ATP8B3: variants seen among roughly 807,000 people sequenced by gnomAD.
ATP8B3 encodes ATPase phospholipid transporting 8B3.
ATP8B3 carries 141 observed loss-of-function variants against 140.9 expected under a neutral mutation model. That is an observed-to-expected ratio of 1.00 (90% confidence interval 0.87 to 1.15). ATP8B3 has a LOEUF of 1.15. Among genes scored for constraint, ATP8B3 ranks in the 50% most tolerant of loss-of-function variants. The probability of loss-of-function intolerance (pLI) is 0.00; values close to 1 mark genes in which losing one functional copy is unlikely to be tolerated. For synonymous variants in ATP8B3, 765 were observed against 714.6 expected, an observed-to-expected ratio of 1.07 and a Z score of -1.13; for missense variants, 1,874 against 1,740.6, an observed-to-expected ratio of 1.08 and a Z score of -1.36.
rs761753808 is a variant in ATP8B3 at position 1,784,836 on chromosome 19, T to C, written c.3643A>G (p.Lys1215Glu). Residue 1215 changes from lysine (K) to glutamate (E), a missense_variant, in exon 28 of 29, where the codon AAG (lysine) becomes GAG (glutamate). Around this residue, in one of 3 missense-constraint regions of ATP8B3, gnomAD observed 840 missense variants for 760.9 expected, o/e 1.10. Coordinates refer to ENST00000310127, the MANE Select transcript of ATP8B3 (RefSeq NM_138813.4). ...CACCTCACCTTGGCACGTAGCTCCT[T>C]GAGGGCTGGGAAGATGACTCGGAGG... ...LALRVIFPAL[K>E]ELRAKEEKVE... is the part of the protein sequence containing the mutation. 6.2e-7 allele frequency: 1 copy of C among 1,607,434 alleles called. No individual in the cohort carries two copies.
At position 1,782,330 on chromosome 19, in the gene ATP8B3, G is replaced by T; in HGVS notation, c.*698C>A. The T allele has an allele frequency of 6.3e-6, 2 of 315,962 alleles. No individual in the cohort carries two copies. Among genetic ancestry groups the T allele is most frequent in the South Asian group, 2.0e-4 (2 of 10,112 alleles). The allele number at this position is 315,962 out of a possible 1,614,324, so 19.6% of individuals were successfully genotyped here. A position where few individuals can be genotyped will look rare whatever the true frequency, so the allele number is the denominator to read the frequency against. On this transcript the variant is annotated 3_prime_UTR_variant, in exon 29 of 29. Coordinates refer to ENST00000310127, the MANE Select transcript of ATP8B3 (RefSeq NM_138813.4). ...CCTGGTCCCCTCCGCAGAGGGCAAT[G>T]ACTGCTCCTCTGGGGGCAAGGATAG...
rs1204906156 is a variant in ATP8B3 at position 1,785,596 on chromosome 19, G to A, written c.3266C>T (p.Thr1089Ile). 2.5e-6 allele frequency: 4 copies of A among 1,613,284 alleles called. No homozygotes were observed. In the South Asian group the frequency reaches 4.4e-5, roughly 18 times the overall value. Residue 1089 changes from threonine to isoleucine, a missense_variant, in exon 26 of 29, where the codon ACC becomes ATC. Coordinates refer to ENST00000310127, the MANE Select transcript of ATP8B3 (RefSeq NM_138813.4). ...FVQAIAHGVT[T>I]SLVNFFMTLW... Reference sequence around the variant, plus strand: ...TGTCATGAAGAAGTTGACCAGAGAGGTGGTCACACCATGGGCGATGGCTTG... The same window carrying A: ...TGTCATGAAGAAGTTGACCAGAGAGATGGTCACACCATGGGCGATGGCTTG...
rs1318508280 is a variant in ATP8B3 at position 1,810,688 on chromosome 19, G to A, written c.249-5C>T. ...AGGCTGCCCATGCTGGTGGGGCTGT[G>A]GGAGAGAAGGGCCCCGGGTCACAGC... On this transcript the variant is annotated splice_polypyrimidine_tract_variant and splice_region_variant and intron_variant, in intron 2 of 28. Transcript: ENST00000310127. 7 of 1,611,244 alleles carry A rather than the reference G, an allele frequency of 4.3e-6. No individual in the cohort carries two copies. The African/African-American group carries it at 9.4e-5, about 22-fold the overall frequency.
intron 4 of ATP8B3, among the ~76,000 whole-genome samples, chr19:1,808,951 T>C (rs1162485686): frequency 6.6e-6 from 1 of 152,084 alleles, no homozygotes; most frequent in East Asian, 1.9e-4. Context: ...GGTGGGTGGA[T>C]CACTTGAGGT....
chr19:1,805,185 G>T lies in ATP8B3; in HGVS notation c.904+189C>A, dbSNP rs564373618. On this transcript the variant is annotated intron_variant, in intron 10 of 28. Transcript: ENST00000310127. The surrounding 1 kb of genome is among the most constrained non-coding windows in gnomAD (Gnocchi z 5.2). ...AGATGGGGTCTCGTTATGTTGTCCA[G>T]GCTGGTCTTGAATTCCTGGGCTGAA... The T allele has an allele frequency of 9.1e-4, 594 of 654,832 alleles. No homozygotes were observed. The highest frequency in any genetic ancestry group is 4.8e-3 in the Middle Eastern group (19 of 3,980). The allele number at this position is 654,832 out of a possible 1,614,324, so 40.6% of individuals were successfully genotyped here. A position where few individuals can be genotyped will look rare whatever the true frequency, so the allele number is the denominator to read the frequency against.
Position 1,811,714 on chromosome 19 carries a change from G to T in ATP8B3, c.23C>A (p.Thr8Asn). The change falls in exon 2 of 29, where the codon ACT becomes AAT. Residue 8 changes from threonine to asparagine, a missense_variant. Thr to Asn is a moderately conservative substitution (Grantham distance 65, BLOSUM62 0). Coordinates refer to ENST00000310127, the MANE Select transcript of ATP8B3 (RefSeq NM_138813.4). ...AGGGCCAGCTCTGGTGCTCCTGGGA[G>T]TCTGAGCGGGGCCAGTGCCCATTCA... Reference protein sequence around the residue: MGTGPAQTPRSTRAGPEP... With the variant: MGTGPAQNPRSTRAGPEP... 1 of 1,600,728 alleles carries T rather than the reference G, an allele frequency of 6.2e-7. No individual in the cohort carries two copies. The highest frequency in any genetic ancestry group is 8.5e-7 in the Non-Finnish European group (1 of 1,177,796).
At chr19:1,793,539 C>T (rs1466768551) in intron 18 of ATP8B3, among the ~76,000 whole-genome samples, 2 of 152,164 alleles carry the variant, frequency 1.3e-5, no homozygotes, top group Non-Finnish European at 2.9e-5. Context: ...CTTCCTTGGG[C>T]CCCTCATTTC....
rs1423318094 is a variant in ATP8B3, at chr19:1,789,997, G to T, written c.2379-8C>A. The stretch of plus-strand genomic sequence containing the variant: ...TAGGTCTCCAGGATGCGGCTGCGGG[G>T]CGCAGGGGTCAGCGGGGCAGGGGAG... On this transcript the variant is annotated splice_region_variant and splice_polypyrimidine_tract_variant and intron_variant, in intron 21 of 28. Transcript: ENST00000310127. The T allele has an allele frequency of 6.2e-7, 1 of 1,605,436 alleles. No individual in the cohort carries two copies. The highest frequency in any genetic ancestry group is 8.5e-7 in the Non-Finnish European group (1 of 1,174,310).
intron 24 of ATP8B3, among the ~76,000 whole-genome samples, chr19:1,787,656 G>C (rs1251948877): frequency 2.0e-5 from 3 of 146,978 alleles, no homozygotes; most frequent in Non-Finnish European, 4.5e-5. Flanking sequence ...TTGAACCCAG[G>C]AGACGGAGGT....
chr19:1,800,703 T>C lies in ATP8B3; in HGVS notation c.1153-254A>G, dbSNP rs556127950. Among the ~76,000 whole-genome samples the C allele has an allele frequency of 6.6e-6, 1 of 152,142 alleles. No individual in the cohort carries two copies. Among genetic ancestry groups the C allele is most frequent in the South Asian group, 2.1e-4 (1 of 4,830 alleles). ...AGTCAGGCATGGTGGCGCACACCTGTAGTCTCAGCTGCTCAGAAGGCTGAG... is the reference window on the plus strand; with the variant it reads ...AGTCAGGCATGGTGGCGCACACCTGCAGTCTCAGCTGCTCAGAAGGCTGAG... On this transcript the variant is annotated intron_variant, in intron 12 of 28. Transcript: ENST00000310127. This position sits in a 1 kb window ranked among gnomAD's most constrained non-coding sequence, Gnocchi z 4.4.
intron 10 of ATP8B3, among the ~76,000 whole-genome samples, chr19:1,803,015 G>A (rs558880600): frequency 1.9e-4 from 29 of 152,080 alleles, no homozygotes; most frequent in Admixed American, 5.2e-4. Flanking sequence ...GCCTCATCTC[G>A]GCCACACTCT....
chr19:1,806,394 C>A lies in ATP8B3; in HGVS notation c.678-225G>T. The A allele has an allele frequency of 6.9e-7, 1 of 1,443,960 alleles. No homozygotes were observed. Among genetic ancestry groups the A allele is most frequent in the Non-Finnish European group, 9.0e-7 (1 of 1,105,314 alleles). 89.4% of individuals were successfully genotyped at this position (1,443,960 alleles called of 1,614,324 possible). A position where few individuals can be genotyped will look rare whatever the true frequency, so the allele number is the denominator to read the frequency against. On this transcript the variant is annotated intron_variant, in intron 7 of 28. Coordinates refer to ENST00000310127, the MANE Select transcript of ATP8B3 (RefSeq NM_138813.4). This position sits in a 1 kb window ranked among gnomAD's most constrained non-coding sequence, Gnocchi z 5.6. ...GCACCCACGTCCTCTTCAGACTTTC[C>A]TTGTCCTCCCCATCGCCCGAGCCCT...
chr19:1,797,657 G>A (rs1408410640), intron 14 of ATP8B3, among the ~76,000 whole-genome samples: 7 of 151,424 alleles, frequency 4.6e-5, no homozygotes, highest in Non-Finnish European at 7.4e-5. Context: ...ATGTCACCAC[G>A]CCTGGCTCAT....
rs117316626 is a variant in ATP8B3, at chr19:1,809,741, C to G, written c.311-7G>C. ...TGGACCTTCCAGGTGAATGCTGCAG[C>G]GAGAGAGCCGGGCGTCGCTGGAGCT... is the stretch of plus-strand genomic sequence containing the variant. On this transcript the variant is annotated splice_polypyrimidine_tract_variant and splice_region_variant and intron_variant, in intron 3 of 28. Transcript: ENST00000310127. The G allele has an allele frequency of 1.9e-6, 3 of 1,601,762 alleles. No homozygotes were observed. The highest frequency in any genetic ancestry group is 2.2e-5 in the South Asian group (2 of 89,086).
rs1175850832 is a variant in ATP8B3 at position 1,806,898 on chromosome 19, A to C, written c.616-209T>G. On this transcript the variant is annotated intron_variant, in intron 6 of 28. Transcript: ENST00000310127. The surrounding 1 kb of genome is among the most constrained non-coding windows in gnomAD (Gnocchi z 5.6). The stretch of plus-strand genomic sequence containing the variant: ...CGGGGAGAAGACAGGCGTGCTGCCC[A>C]CCACCTAGAGTGCCTGCCAGACCAC... Among the ~76,000 whole-genome samples, 3 of 151,954 alleles carry C rather than the reference A, an allele frequency of 2.0e-5. No homozygotes were observed. The East Asian group carries it at 5.8e-4, about 29-fold the overall frequency.
rs779962411 is a variant in ATP8B3, at chr19:1,805,980, C to T, written c.751-22G>A. On this transcript the variant is annotated intron_variant, in intron 8 of 28. Transcript: ENST00000310127. This position sits in a 1 kb window ranked among gnomAD's most constrained non-coding sequence, Gnocchi z 5.2. ...CGGCCTGGTGTGGAGTGGGGGGCAG[C>T]GTTGCAAGAGGGGATGCAAGACAAA... 6 of 1,611,436 alleles carry T rather than the reference C, an allele frequency of 3.7e-6. No individual in the cohort carries two copies. Among genetic ancestry groups the T allele is most frequent in the Non-Finnish European group, 3.4e-6 (4 of 1,179,188 alleles).
intron 12 of ATP8B3, 96 bp downstream of exon 12, chr19:1,801,860 A>G (rs2068853848): frequency 1.1e-6 from 1 of 946,378 alleles, no homozygotes; most frequent in South Asian, 1.5e-5. Flanking sequence ...CAGGCCGCAC[A>G]TTTTGCAGAA....
chr19:1,790,841 C>T lies in ATP8B3; in HGVS notation c.2303-9G>A. 1 of 1,588,634 alleles carries T rather than the reference C, an allele frequency of 6.3e-7. No homozygotes were observed. Among genetic ancestry groups the T allele is most frequent in the East Asian group, 2.3e-5 (1 of 43,546 alleles). On this transcript the variant is annotated splice_polypyrimidine_tract_variant and intron_variant, in intron 20 of 28. Coordinates refer to ENST00000310127, the MANE Select transcript of ATP8B3 (RefSeq NM_138813.4). The stretch of plus-strand genomic sequence containing the variant: ...GATGTTCACAGCCGTTTCTGCGAAG[C>T]AGACCAGCTCAGCGCCTCTGCGACC...
intron 14 of ATP8B3, chr19:1,799,008 T>C (rs1600446123): frequency 6.6e-6 from 1 of 151,172 alleles, no homozygotes; most frequent in East Asian, 2.0e-4. Context: ...CTGGGTAAGG[T>C]GGCACTCTCC....
Sources: allele counts gnomAD v4.1 joint callset (sites outside exome capture counted in the v4.1 genomes callset), GRCh38; gene constraint gnomAD v4.1.1; regional missense constraint gnomAD v4.1.1; non-coding constraint Gnocchi (gnomAD v3.1); transcripts MANE v1.5; gene names NCBI Gene and HGNC (gene_info 2026-07-23, HGNC 2026-07-21).